ANAPC2: variants seen among roughly 807,000 people sequenced by gnomAD.
ANAPC2 encodes anaphase-promoting complex subunit 2.
In ANAPC2, 29 loss-of-function variants were observed where a neutral mutation model predicts 84.3. The ratio of observed to expected loss-of-function variants is 0.34; its 90% CI spans 0.26 to 0.47. The LOEUF (loss-of-function observed/expected upper bound fraction) is 0.47, where lower values mean the gene tolerates loss of function less well. Among genes scored for constraint, ANAPC2 ranks in the 20% least tolerant of loss-of-function variants. The pLI, the probability that ANAPC2 is intolerant of heterozygous loss-of-function variation, is 1.00. For missense variants in ANAPC2, 857 were observed against 1,131.7 expected (o/e 0.76, Z 3.48); for synonymous variants, 571 against 479.4 (o/e 1.19, Z -2.50).
rs1241640527 is a variant in ANAPC2, at chr9:137,180,395, G to A, written c.1687-11C>T. 2 of 1,612,462 alleles carry A rather than the reference G, an allele frequency of 1.2e-6. No homozygotes were observed. The highest frequency in any genetic ancestry group is 3.3e-5 in the Admixed American group (2 of 60,006). ...GGAGTCCGCCATGTCCTGAGGAGGA[G>A]CCGGTGTCACGGGGGACCTGCGGGG... On this transcript the variant is annotated splice_polypyrimidine_tract_variant and intron_variant, in intron 9 of 12. Coordinates refer to ENST00000323927, the MANE Select transcript of ANAPC2 (RefSeq NM_013366.4).
At chr9:137,181,048 C>A (rs1023836184) in intron 7 of ANAPC2, 119 bp from the exon 8 acceptor site, 36 of 1,373,818 alleles carry the variant, frequency 2.6e-5, no homozygotes, top group Middle Eastern at 2.5e-4. Context: ...TGAAGGCCCT[C>A]GAGGCTGGGA....
chr9:137,180,044 A>G, intron 10 of ANAPC2, 137 bp downstream of exon 10: 1 of 913,752 alleles, frequency 1.1e-6, no homozygotes, highest in African/African-American at 1.7e-5. Context: ...CCTCTCCTGC[A>G]GAGGCGGCTG....
chr9:137,187,389 C>T, intron 2 of ANAPC2, 92 bp downstream of exon 2: 2 of 1,490,994 alleles, frequency 1.3e-6, no homozygotes, highest in Non-Finnish European at 1.8e-6. Context: ...ATCAGGACGG[C>T]TCACCAGCTT....
At chr9:137,182,359 A>G (rs1296624992) in intron 6 of ANAPC2, among the ~76,000 whole-genome samples, 1 of 152,128 alleles carries the variant, frequency 6.6e-6, no homozygotes, top group Non-Finnish European at 1.5e-5. Flanking sequence ...AAAAATACAA[A>G]AAGTTAGCCA....
chr9:137,180,099 C>T, intron 10 of ANAPC2, 82 bp downstream of exon 10: 1 of 1,464,018 alleles, frequency 6.8e-7, no homozygotes. Context: ...AACGGGGCAG[C>T]CACAGGCACC....
intron 10 of ANAPC2, among the ~76,000 whole-genome samples, chr9:137,179,647 C>T (rs1834298237): frequency 1.3e-5 from 2 of 152,252 alleles, no homozygotes; most frequent in East Asian, 1.9e-4. Flanking sequence ...GACCCATAGC[C>T]CCGGTCCTCA....
intron 4 of ANAPC2, among the ~76,000 whole-genome samples, chr9:137,184,164 G>A (rs560613104): frequency 4.8e-4 from 73 of 152,358 alleles, no homozygotes; most frequent in Admixed American, 9.8e-4. Flanking sequence ...GAGCGACAGC[G>A]AAGGCACAGG....
At chr9:137,179,072 C>T (rs1282619028) in intron 10 of ANAPC2, among the ~76,000 whole-genome samples, 1 of 152,122 alleles carries the variant, frequency 6.6e-6, no homozygotes, top group Non-Finnish European at 1.5e-5. Context: ...AACTCAGCCC[C>T]GCCCGCCCGC....
chr9:137,175,638 G>A, intron 11 of ANAPC2, 70 bp downstream of exon 11: 4 of 1,550,994 alleles, frequency 2.6e-6, no homozygotes, highest in Non-Finnish European at 1.7e-6. Context: ...CACCCTCACT[G>A]GGGAACAGCC....
Position 137,187,142 on chromosome 9 carries a change from C to T in ANAPC2, c.740+339G>A, listed in dbSNP as rs544936851. On this transcript the variant is annotated intron_variant, in intron 2 of 12. Coordinates refer to ENST00000323927, the MANE Select transcript of ANAPC2 (RefSeq NM_013366.4). Reference sequence around the variant, plus strand: ...ACAATTACAGGGCAAGGAATGTCGACGAGGGTGAGAATCATTCCTCCCCAG... The same window carrying T: ...ACAATTACAGGGCAAGGAATGTCGATGAGGGTGAGAATCATTCCTCCCCAG... 2.6e-4 allele frequency: 76 copies of T among 297,158 alleles called. 1 individual carries two copies. The South Asian group carries it at 3.9e-3, about 15-fold the overall frequency. 18.4% of individuals were successfully genotyped at this position (297,158 alleles called of 1,614,324 possible). A position where few individuals can be genotyped will look rare whatever the true frequency, so the allele number is the denominator to read the frequency against.
chr9:137,186,783 G>A (rs1834480729), intron 2 of ANAPC2: 2 of 178,518 alleles, frequency 1.1e-5, no homozygotes, highest in Non-Finnish European at 2.4e-5. Flanking sequence ...GTGACAAAAG[G>A]ACTCAAGAGG....
chr9:137,180,736 TG>T, intron 8 of ANAPC2, 51 bp downstream of exon 8: 1 of 1,592,832 alleles, frequency 6.3e-7, no homozygotes. Flanking sequence ...CGAGAGAGGC[TG>T]GGCAAAGGCC....
intron 2 of ANAPC2, 96 bp from the exon 3 acceptor site, chr9:137,186,452 C>T (rs966323066): frequency 6.9e-7 from 1 of 1,443,874 alleles, no homozygotes. Flanking sequence ...CTGTAGAGTG[C>T]ATGCAGCACA....
chr9:137,180,770 G>A lies in ANAPC2; in HGVS notation c.1610+18C>T, dbSNP rs1834326533. 2 of 1,606,338 alleles carry A rather than the reference G, an allele frequency of 1.2e-6. No homozygotes were observed. The highest frequency in any genetic ancestry group is 2.7e-5 in the African/African-American group (2 of 74,894). ...GCCCCGGCACCCCTGGAGATGGCCA[G>A]CGCGTCACAGGCCTCACCGCTCGGG... is the stretch of plus-strand genomic sequence containing the variant. On this transcript the variant is annotated intron_variant, in intron 8 of 12. Transcript: ENST00000323927.
At position 137,174,818 on chromosome 9, in the gene ANAPC2, G is replaced by A; in HGVS notation, c.*124C>T. 2.1e-6 allele frequency: 3 copies of A among 1,435,860 alleles called. No individual in the cohort carries two copies. The highest frequency in any genetic ancestry group is 1.8e-6 in the Non-Finnish European group (2 of 1,095,038). 88.9% of individuals were successfully genotyped at this position (1,435,860 alleles called of 1,614,324 possible). A position where few individuals can be genotyped will look rare whatever the true frequency, so the allele number is the denominator to read the frequency against. On this transcript the variant is annotated 3_prime_UTR_variant, in exon 13 of 13. Coordinates refer to ENST00000323927, the MANE Select transcript of ANAPC2 (RefSeq NM_013366.4). The surrounding 1 kb of genome is among the most constrained non-coding windows in gnomAD (Gnocchi z 6.1). ...ACTTGCTTTAATCTGCACACTGCGG[G>A]GGTGGGGGTGGGCATGCTCCTCAGC... is the stretch of plus-strand genomic sequence containing the variant.
chr9:137,180,856 G>A lies in ANAPC2; in HGVS notation c.1542C>T (p.Leu514=). ...LLVSIYGSKD[L]FINEYRSLLA... is the part of the protein sequence containing the mutation. ...GCAGCGAGCGGTACTCATTGATGAAGAGGTCCTTGCTGCCGTAGATGCTGA... is the reference window on the plus strand; with the variant it reads ...GCAGCGAGCGGTACTCATTGATGAAAAGGTCCTTGCTGCCGTAGATGCTGA... The change falls in exon 8 of 13, where the codon CTC becomes CTT. Residue 514 remains leucine, a synonymous_variant. Transcript: ENST00000323927. The A allele has an allele frequency of 2.5e-6, 4 of 1,613,356 alleles. No individual in the cohort carries two copies. The highest frequency in any genetic ancestry group is 3.4e-6 in the Non-Finnish European group (4 of 1,179,964).
In ANAPC2 at chr9:137,188,527, C is replaced by T. The variant is rs752551945; in HGVS notation, c.6G>A (p.Ala2=). 2 of 1,607,992 alleles carry T rather than the reference C, an allele frequency of 1.2e-6. No individual in the cohort carries two copies. Among genetic ancestry groups the T allele is most frequent in the Non-Finnish European group, 1.7e-6 (2 of 1,179,074 alleles). The change falls in exon 1 of 13, where the codon GCG becomes GCA. Residue 2 remains alanine (A), a synonymous_variant. Transcript: ENST00000323927. ...CCCCCTCCGCCACCACAACTGCCGC[C>T]GCCATCTGCACCCACCGACTCCGAG... M[A]AAVVVAEGDS...
chr9:137,178,173 G>C (rs985592515), intron 10 of ANAPC2, among the ~76,000 whole-genome samples: 1 of 152,062 alleles, frequency 6.6e-6, no homozygotes, highest in African/African-American at 2.4e-5. Flanking sequence ...TCAGTGGCTT[G>C]CTAGGTCCTA....
intron 10 of ANAPC2, chr9:137,176,652 A>G (rs1834220805): frequency 6.6e-6 from 1 of 152,298 alleles, no homozygotes; most frequent in Non-Finnish European, 1.5e-5. Flanking sequence ...TGCACACAGC[A>G]TCACAGACTG....
Sources: gnomAD v4.1 joint callset for allele counts (sites outside exome capture counted in the v4.1 genomes callset) on GRCh38, gnomAD v4.1.1 for gene constraint, Gnocchi (gnomAD v3.1) non-coding constraint, MANE v1.5 for transcripts, NCBI Gene and HGNC (gene_info 2026-07-23, HGNC 2026-07-21) for gene names.